The following RNF157 variants were observed in gnomAD, a reference collection of about 807,000 sequenced individuals.
The protein encoded by RNF157 is E3 ubiquitin ligase RNF157.
Under a neutral mutation model 88.3 loss-of-function variants are expected in RNF157, and 55 were observed. The observed-to-expected ratio is 0.62, with a 90% CI of 0.50 to 0.78. RNF157 has a LOEUF of 0.78. Among genes scored for constraint, RNF157 ranks in the 30% least tolerant of loss-of-function variants. The probability of loss-of-function intolerance (pLI) is 0.00; values close to 1 mark genes in which losing one functional copy is unlikely to be tolerated. For missense variants in RNF157, 788 were observed against 860.8 expected (o/e 0.92, Z 1.06); for synonymous variants, 334 against 341.2 (o/e 0.98, Z 0.23).
chr17:76,238,161 G>T (rs1396566445), intron 1 of RNF157, among the ~76,000 whole-genome samples: 1 of 151,996 alleles, frequency 6.6e-6, no homozygotes, highest in Non-Finnish European at 1.5e-5. Flanking sequence ...TTCCTTTCAG[G>T]ACTAATACTG....
intron 12 of RNF157, among the ~76,000 whole-genome samples, chr17:76,158,742 C>G (rs1295030384): frequency 2.0e-5 from 3 of 152,110 alleles, no homozygotes; most frequent in Non-Finnish European, 2.9e-5. Context: ...GCTAACTTGC[C>G]TGGCTCGAAA....
In RNF157 at chr17:76,144,445, C is replaced by T; in HGVS notation, c.*790G>A. 1 of 153,200 alleles carries T rather than the reference C, an allele frequency of 6.5e-6. No individual in the cohort carries two copies. Among genetic ancestry groups the T allele is most frequent in the Non-Finnish European group, 1.5e-5 (1 of 68,666 alleles). 9.5% of individuals were successfully genotyped at this position (153,200 alleles called of 1,614,324 possible). ...GCCTCAGCCTCCCAAGTAGCTGGGA[C>T]TACAGGCGCCTGCAACCATGCCCAG... is the stretch of plus-strand genomic sequence containing the variant. On this transcript the variant is annotated 3_prime_UTR_variant, in exon 19 of 19. Coordinates refer to ENST00000269391, the MANE Select transcript of RNF157 (RefSeq NM_052916.3).
intron 2 of RNF157, among the ~76,000 whole-genome samples, chr17:76,192,348 T>C (rs2069401224): frequency 6.6e-6 from 1 of 152,212 alleles, no homozygotes; most frequent in South Asian, 2.1e-4. Flanking sequence ...ATTTTTATAC[T>C]TCATTTTTCA....
In RNF157 at chr17:76,144,648, G is replaced by A. The variant is rs2068558903; in HGVS notation, c.*587C>T. ...CCGCACAGGCATGTGAGGCCCAGAA[G>A]ACTGGCTCTGCCACCAGAAGGAAGG... is the stretch of plus-strand genomic sequence containing the variant. On this transcript the variant is annotated 3_prime_UTR_variant, in exon 19 of 19. Coordinates refer to ENST00000269391, the MANE Select transcript of RNF157 (RefSeq NM_052916.3). 1 of 152,298 alleles carries A rather than the reference G, an allele frequency of 6.6e-6. No individual in the cohort carries two copies. The highest frequency in any genetic ancestry group is 2.1e-4 in the South Asian group (1 of 4,834). 9.4% of individuals were successfully genotyped at this position (152,298 alleles called of 1,614,324 possible).
intron 2 of RNF157, among the ~76,000 whole-genome samples, chr17:76,187,585 A>G (rs2069314721): frequency 6.7e-6 from 1 of 150,320 alleles, no homozygotes; most frequent in African/African-American, 2.5e-5. Flanking sequence ...TGATAGTTTT[A>G]TTTTATTTAT....
At chr17:76,191,906 C>T (rs564624408) in intron 2 of RNF157, among the ~76,000 whole-genome samples, 31 of 152,288 alleles carry the variant, frequency 2.0e-4, no homozygotes, top group African/African-American at 7.2e-4. Flanking sequence ...ACAAAATTTA[C>T]GTGTAATCAA....
intron 18 of RNF157, among the ~76,000 whole-genome samples, chr17:76,150,070 C>A (rs1388922115): frequency 6.6e-6 from 1 of 152,022 alleles, no homozygotes; most frequent in East Asian, 1.9e-4. Context: ...AACTCAAATC[C>A]TTTCCATTGT....
chr17:76,158,443 CGCT>C lies in RNF157; in HGVS notation c.1360_1362del (p.Ser454del). ...CTCTGAGAGAGCTGTGTCTCCGACT[CGCT>C]GCAGGAATGCTCATCTTCCTCTTCA... On this transcript the variant is annotated inframe_deletion, in exon 13 of 19. Transcript: ENST00000269391. 6.2e-7 allele frequency: 1 copy of C among 1,613,918 alleles called. No homozygotes were observed. Among genetic ancestry groups the C allele is most frequent in the Non-Finnish European group, 8.5e-7 (1 of 1,179,922 alleles).
chr17:76,183,832 A>C (rs1364429520), intron 2 of RNF157, among the ~76,000 whole-genome samples: 2 of 152,028 alleles, frequency 1.3e-5, no homozygotes, highest in Non-Finnish European at 2.9e-5. Context: ...AAAACAAAAA[A>C]CCCAAAATAC....
chr17:76,221,342 A>T (rs1438946644), intron 1 of RNF157, among the ~76,000 whole-genome samples: 1 of 152,028 alleles, frequency 6.6e-6, no homozygotes, highest in Non-Finnish European at 1.5e-5. Flanking sequence ...TTAAAGCTTT[A>T]AAAAAAATGA....
At chr17:76,197,578 AATTT>A (rs2069498665) in intron 2 of RNF157, among the ~76,000 whole-genome samples, 2 of 152,178 alleles carry the variant, frequency 1.3e-5, no homozygotes, top group South Asian at 2.1e-4. Context: ...CTTATTTATT[AATTT>A]ATTTGAGATA....
At position 76,240,172 on chromosome 17, in the gene RNF157, G is replaced by A; in HGVS notation, c.69C>T (p.Tyr23=). ...CCTCACCGGACTTGGGCGGGTAGCGGTACACGGAATTAGACGGGATGTCCA... is the reference window on the plus strand; with the variant it reads ...CCTCACCGGACTTGGGCGGGTAGCGATACACGGAATTAGACGGGATGTCCA... ...EEVDIPSNSV[Y]RYPPKSGSYF... is the part of the protein sequence containing the mutation. The change falls in exon 1 of 19, where the codon TAC becomes TAT. Residue 23 remains tyrosine (Y), a synonymous_variant. Coordinates refer to ENST00000269391, the MANE Select transcript of RNF157 (RefSeq NM_052916.3). The surrounding 1 kb of genome is among the most constrained non-coding windows in gnomAD (Gnocchi z 4.4). The A allele has an allele frequency of 3.6e-6, 5 of 1,388,592 alleles. No homozygotes were observed. The highest frequency in any genetic ancestry group is 4.7e-6 in the Non-Finnish European group (5 of 1,057,334). The allele number at this position is 1,388,592 out of a possible 1,614,324, so 86.0% of individuals were successfully genotyped here.
In RNF157 at chr17:76,144,842, GTGCCAGAGACCAGGAAA is replaced by G. The variant is rs1475249412; in HGVS notation, c.*376_*392del. 1 of 169,584 alleles carries G rather than the reference GTGCCAGAGACCAGGAAA, an allele frequency of 5.9e-6. No individual in the cohort carries two copies. The highest frequency in any genetic ancestry group is 1.3e-5 in the Non-Finnish European group (1 of 79,592). The allele number at this position is 169,584 out of a possible 1,614,324, so 10.5% of individuals were successfully genotyped here. A position where few individuals can be genotyped will look rare whatever the true frequency, so the allele number is the denominator to read the frequency against. On this transcript the variant is annotated 3_prime_UTR_variant, in exon 19 of 19. Coordinates refer to ENST00000269391, the MANE Select transcript of RNF157 (RefSeq NM_052916.3). ...CTGCAGGTTTCCAATTGGTTATGATGTGCCAGAGACCAGGAAATGCCAGAGGGATGTTTGTAACAAAG... is the reference window on the plus strand; with the variant it reads ...CTGCAGGTTTCCAATTGGTTATGATGTGCCAGAGGGATGTTTGTAACAAAG...
At chr17:76,200,411 A>ACAT (rs542715097) in intron 2 of RNF157, among the ~76,000 whole-genome samples, 1 of 152,216 alleles carries the variant, frequency 6.6e-6, no homozygotes, top group Non-Finnish European at 1.5e-5. Context: ...AAATTCTGAC[A>ACAT]CATGCTACAA....
Position 76,152,365 on chromosome 17 carries a change from G to A in RNF157, c.1911C>T (p.Val637=). 6.2e-7 allele frequency: 1 copy of A among 1,606,130 alleles called. No individual in the cohort carries two copies. Among genetic ancestry groups the A allele is most frequent in the Non-Finnish European group, 8.5e-7 (1 of 1,172,718 alleles). The stretch of plus-strand genomic sequence containing the variant: ...CAGACTGACACTCACCAGGTAAGCA[G>A]ACCTCAGAGCACAGCTTATTGTCCA... ...KALDNKLCSE[V]CLPGAWQADD... is the part of the protein sequence containing the mutation. Residue 637 remains valine, a synonymous_variant, in exon 18 of 19, where the codon GTC becomes GTT. Transcript: ENST00000269391.
chr17:76,173,211 T>C (rs1296032636), intron 3 of RNF157, among the ~76,000 whole-genome samples: 1 of 151,226 alleles, frequency 6.6e-6, no homozygotes, highest in Non-Finnish European at 1.5e-5. Flanking sequence ...GCGTGAACCC[T>C]GGAGATGGAG....
At chr17:76,179,191 T>C (rs1568042625) in intron 2 of RNF157, among the ~76,000 whole-genome samples, 1 of 152,074 alleles carries the variant, frequency 6.6e-6, no homozygotes, top group East Asian at 1.9e-4. Context: ...CTTAGGAGTT[T>C]TGAGACCAGC....
At chr17:76,184,659 AG>A (rs1273117210) in intron 2 of RNF157, among the ~76,000 whole-genome samples, 1 of 152,206 alleles carries the variant, frequency 6.6e-6, no homozygotes, top group Non-Finnish European at 1.5e-5. Flanking sequence ...CCTCATGGGG[AG>A]CCAATCACCA....
rs183468209 is a variant in RNF157 at position 76,239,761 on chromosome 17, C to A, written c.88+392G>T. Among the ~76,000 whole-genome samples, 525 of 152,302 alleles carry A rather than the reference C, an allele frequency of 3.4e-3. 13 individuals are homozygous for A. Among genetic ancestry groups the A allele is most frequent in the Admixed American group, 0.031 (480 of 15,310 alleles). ...CTCGCGGCCCTCGGACCCCGCGAGG[C>A]AGGTAGGCTTTGGGCCGGGCCGGCC... On this transcript the variant is annotated intron_variant, in intron 1 of 18. Coordinates refer to ENST00000269391, the MANE Select transcript of RNF157 (RefSeq NM_052916.3).
Sources: allele counts gnomAD v4.1 joint callset (sites outside exome capture counted in the v4.1 genomes callset), GRCh38; gene constraint gnomAD v4.1.1; non-coding constraint Gnocchi (gnomAD v3.1); transcripts MANE v1.5; gene names NCBI Gene and HGNC (gene_info 2026-07-23, HGNC 2026-07-21).